The following UBE2G2 variants were observed in gnomAD, a reference collection of about 807,000 sequenced individuals.
UBE2G2 encodes the protein ubiquitin-conjugating enzyme E2 G2.
UBE2G2 carries 10 observed loss-of-function variants against 23.0 expected under a neutral mutation model. That is an observed-to-expected ratio of 0.43 (90% CI 0.27 to 0.74). The LOEUF is 0.74. Among genes scored for constraint, UBE2G2 ranks in the 30% least tolerant of loss-of-function variants. The probability of loss-of-function intolerance (pLI) is 0.19; values close to 1 mark genes in which losing one functional copy is unlikely to be tolerated. For missense variants in UBE2G2, 150 were observed against 218.3 expected, an observed-to-expected ratio of 0.69 and a Z score of 1.97; for synonymous variants, 86 against 81.3, an observed-to-expected ratio of 1.06 and a Z score of -0.31.
rs2082882981 is a variant in UBE2G2 at position 44,772,722 on chromosome 21, G to A, written c.385+825C>T. On this transcript the variant is annotated intron_variant, in intron 5 of 5. Transcript: ENST00000345496. This position sits in a 1 kb window ranked among gnomAD's most constrained non-coding sequence, Gnocchi z 5.4. ...GGTAGACAAAGAACCAGGAGTCCCA[G>A]AGCCTGTACCTTCAAGGTCTCCCAA... Among the ~76,000 whole-genome samples the A allele has an allele frequency of 6.6e-6, 1 of 152,078 alleles. No individual in the cohort carries two copies. The highest frequency in any genetic ancestry group is 2.1e-4 in the South Asian group (1 of 4,830).
intron 3 of UBE2G2, among the ~76,000 whole-genome samples, chr21:44,786,138 C>T (rs979739863): frequency 2.6e-5 from 4 of 152,352 alleles, no homozygotes; most frequent in East Asian, 1.9e-4. Context: ...ACAGGCCTCC[C>T]GCCACTCTGG....
At chr21:44,790,175 C>T (rs975266494) in intron 1 of UBE2G2, among the ~76,000 whole-genome samples, 2 of 152,130 alleles carry the variant, frequency 1.3e-5, no homozygotes, top group East Asian at 1.9e-4. Flanking sequence ...TCTTTAGTCA[C>T]AAAAGAATGG....
At chr21:44,778,592 G>A (rs1200965446) in intron 3 of UBE2G2, among the ~76,000 whole-genome samples, 1 of 152,160 alleles carries the variant, frequency 6.6e-6, no homozygotes, top group Admixed American at 6.5e-5. Context: ...CACCAGGGAC[G>A]AACTCCTCTT....
chr21:44,792,478 G>C (rs76494863), intron 1 of UBE2G2, among the ~76,000 whole-genome samples: 19,811 of 152,158 alleles, frequency 0.13, 1,472 homozygotes, highest in Middle Eastern at 0.22. Flanking sequence ...TTCTATAAGT[G>C]TGTGGCAAGT....
intron 1 of UBE2G2, among the ~76,000 whole-genome samples, chr21:44,795,332 G>C (rs1176653176): frequency 2.0e-5 from 3 of 151,734 alleles, no homozygotes; most frequent in African/African-American, 7.3e-5. Flanking sequence ...CAATAGAATG[G>C]CTAAAATTTT....
Position 44,780,583 on chromosome 21 carries a change from A to C in UBE2G2, c.126-3166T>G, listed in dbSNP as rs553028832. On this transcript the variant is annotated intron_variant, in intron 3 of 5. Transcript: ENST00000345496. ...AAGGACAAGCATTAGATTAAGCATC[A>C]TAATGACCCTGCACTCTACACAGGA... 2.0e-5 allele frequency among the ~76,000 whole-genome samples: 3 copies of C among 152,348 alleles called. No homozygotes were observed. The East Asian group carries it at 5.8e-4, about 29-fold the overall frequency.
At chr21:44,791,957 G>A (rs1569300156) in intron 1 of UBE2G2, among the ~76,000 whole-genome samples, 3 of 152,222 alleles carry the variant, frequency 2.0e-5, no homozygotes, top group Non-Finnish European at 4.4e-5. Context: ...TGTGAGACAC[G>A]GGGTCACAAA....
intron 1 of UBE2G2, among the ~76,000 whole-genome samples, chr21:44,796,075 AAAG>A (rs750464025): frequency 1.4e-4 from 22 of 152,230 alleles, no homozygotes; most frequent in Non-Finnish European, 2.2e-4. Context: ...CAGAACAGTA[AAAG>A]AATAAATTTC....
chr21:44,781,808 A>G lies in UBE2G2; in HGVS notation c.126-4391T>C, dbSNP rs186209124. On this transcript the variant is annotated intron_variant, in intron 3 of 5. Coordinates refer to ENST00000345496, the MANE Select transcript of UBE2G2 (RefSeq NM_003343.6). The stretch of plus-strand genomic sequence containing the variant: ...AATGCTAAGAACTGCTCGGAAGAAA[A>G]GGGGGAACATTTCCATTTTATGAAA... Among the ~76,000 whole-genome samples the G allele has an allele frequency of 2.9e-3, 446 of 152,312 alleles. 2 individuals carry two copies. Among genetic ancestry groups the G allele is most frequent in the Non-Finnish European group, 5.4e-3 (364 of 68,016 alleles).
At chr21:44,779,227 C>T (rs570207466) in intron 3 of UBE2G2, 7 of 449,124 alleles carry the variant, frequency 1.6e-5, no homozygotes, top group Admixed American at 2.5e-5. Context: ...CTGCGGGCAA[C>T]AGTCAGAAGA....
At position 44,769,663 on chromosome 21, in the gene UBE2G2, C is replaced by G. The variant is rs1460788536; in HGVS notation, c.*1714G>C. On this transcript the variant is annotated 3_prime_UTR_variant, in exon 6 of 6. Coordinates refer to ENST00000345496, the MANE Select transcript of UBE2G2 (RefSeq NM_003343.6). ...AAAGTGCTGGGATTGCAGGCGTGAG[C>G]CACAGCACCCAGCCTCCAAATTTTA... The G allele has an allele frequency of 6.6e-6, 1 of 152,226 alleles. No homozygotes were observed. Among genetic ancestry groups the G allele is most frequent in the Non-Finnish European group, 1.5e-5 (1 of 68,090 alleles). 9.4% of individuals were successfully genotyped at this position (152,226 alleles called of 1,614,324 possible).
chr21:44,799,396 A>G (rs2083117992), intron 1 of UBE2G2, among the ~76,000 whole-genome samples: 1 of 152,208 alleles, frequency 6.6e-6, no homozygotes, highest in South Asian at 2.1e-4. Context: ...CGTACCTTGT[A>G]AATCTATTGC....
Position 44,771,554 on chromosome 21 carries a change from C to T in UBE2G2, c.386-65G>A, listed in dbSNP as rs1035133919. On this transcript the variant is annotated intron_variant, in intron 5 of 5. Coordinates refer to ENST00000345496, the MANE Select transcript of UBE2G2 (RefSeq NM_003343.6). This position sits in a 1 kb window ranked among gnomAD's most constrained non-coding sequence, Gnocchi z 4.6. Reference sequence around the variant, plus strand: ...TTATACGTAAGCAGCCTGGCAAGGTCTCCCATTTATTTAAAACACTGGCGG... The same window carrying T: ...TTATACGTAAGCAGCCTGGCAAGGTTTCCCATTTATTTAAAACACTGGCGG... The T allele has an allele frequency of 3.9e-6, 6 of 1,526,400 alleles. No individual in the cohort carries two copies. In the African/African-American group the frequency reaches 6.8e-5, roughly 17 times the overall value. The allele number at this position is 1,526,400 out of a possible 1,614,324, so 94.6% of individuals were successfully genotyped here.
intron 3 of UBE2G2, among the ~76,000 whole-genome samples, chr21:44,779,645 C>A (rs1434577473): frequency 6.6e-6 from 1 of 152,194 alleles, no homozygotes; most frequent in African/African-American, 2.4e-5. Context: ...TGGGCACACA[C>A]CATGTATCAG....
chr21:44,776,716 C>T (rs180317), intron 4 of UBE2G2: 119,772 of 152,430 alleles, frequency 0.79, 47,635 homozygotes, highest in African/African-American at 0.92. Context: ...CTGATGGTTC[C>T]GTAAAGGGCA....
chr21:44,779,670 AC>A (rs1411071359), intron 3 of UBE2G2, among the ~76,000 whole-genome samples: 1 of 152,020 alleles, frequency 6.6e-6, no homozygotes, highest in Non-Finnish European at 1.5e-5. Flanking sequence ...AGGCGTGGCC[AC>A]CCCGAGCCTC....
At chr21:44,777,517 T>C in intron 3 of UBE2G2, 100 bp from the exon 4 acceptor site, 2 of 1,255,746 alleles carry the variant, frequency 1.6e-6, no homozygotes, top group Non-Finnish European at 1.2e-6. Context: ...ACTTTAAAAA[T>C]GCACGTGAGG....
At chr21:44,798,032 C>A (rs1555964150) in intron 1 of UBE2G2, among the ~76,000 whole-genome samples, 1 of 142,008 alleles carries the variant, frequency 7.0e-6, no homozygotes, top group East Asian at 2.0e-4. Context: ...GGGGCACATG[C>A]CTGTAGTCTC....
At chr21:44,778,941 GA>G (rs1164148821) in intron 3 of UBE2G2, among the ~76,000 whole-genome samples, 2 of 151,828 alleles carry the variant, frequency 1.3e-5, no homozygotes, top group Non-Finnish European at 2.9e-5. Context: ...TATGGCACAG[GA>G]AAAAAATAAT....
Sources: allele counts gnomAD v4.1 joint callset (sites outside exome capture counted in the v4.1 genomes callset), GRCh38; gene constraint gnomAD v4.1.1; non-coding constraint Gnocchi (gnomAD v3.1); transcripts MANE v1.5; gene names NCBI Gene and HGNC (gene_info 2026-07-23, HGNC 2026-07-21).